The following PUS3 variants were observed in gnomAD, a reference collection of about 807,000 sequenced individuals.
PUS3 encodes the protein pseudouridine synthase 3.
Under a neutral mutation model 43.3 loss-of-function variants are expected in PUS3, and 36 were observed. The ratio of observed to expected loss-of-function variants is 0.83; its 90% CI spans 0.64 to 1.10. PUS3 has a LOEUF of 1.10. PUS3 is among the 50% of genes least tolerant of loss of function. The pLI is 0.00. For missense variants in PUS3, 544 were observed against 589.9 expected, an observed-to-expected ratio of 0.92 and a Z score of 0.81; for synonymous variants, 183 against 199.2, an observed-to-expected ratio of 0.92 and a Z score of 0.69.
intron 1 of PUS3, among the ~76,000 whole-genome samples, chr11:125,902,081 T>C (rs513869): frequency 0.61 from 92,617 of 151,744 alleles, 28,391 homozygotes; most frequent in South Asian, 0.71. Flanking sequence ...GGCCAGGGAG[T>C]GAGTCTAGTT....
At position 125,899,678 on chromosome 11, in the gene PUS3, G is replaced by C. The variant is rs1348414810; in HGVS notation, c.-46-3348C>G. 1.2e-6 allele frequency: 2 copies of C among 1,614,120 alleles called. No individual in the cohort carries two copies. The highest frequency in any genetic ancestry group is 1.3e-5 in the African/African-American group (1 of 74,948). On this transcript the variant is annotated intron_variant, in intron 1 of 3. Transcript: ENST00000227474. ...GAGAAAGGTGCTGCGCAGAAAGCCAGATGGGGAAGTATTAGTAACAGATGA... is the reference window on the plus strand; with the variant it reads ...GAGAAAGGTGCTGCGCAGAAAGCCACATGGGGAAGTATTAGTAACAGATGA...
chr11:125,893,913 G>A lies in PUS3; in HGVS notation c.1318C>T (p.His440Tyr), dbSNP rs1211444393. ...FVRRGRIEHP[H>Y]LFHEEETKAK... ...TTTGTTTCTTCCTCATGGAATAAATGTGGGTGCTCAATTCGTCCCCTACGT... is the reference window on the plus strand; with the variant it reads ...TTTGTTTCTTCCTCATGGAATAAATATGGGTGCTCAATTCGTCCCCTACGT... The change falls in exon 4 of 4, where the codon CAT (histidine) becomes TAT (tyrosine). Residue 440 changes from histidine (H) to tyrosine (Y), a missense_variant. His to Tyr is a moderately conservative substitution (Grantham distance 83). Transcript: ENST00000227474. 1.2e-6 allele frequency: 2 copies of A among 1,613,974 alleles called. No homozygotes were observed. Among genetic ancestry groups the A allele is most frequent in the Non-Finnish European group, 1.7e-6 (2 of 1,180,008 alleles).
In PUS3 at chr11:125,896,113, T is replaced by C; in HGVS notation, c.172A>G (p.Ser58Gly). 6.2e-7 allele frequency: 1 copy of C among 1,614,238 alleles called. No individual in the cohort carries two copies. Among genetic ancestry groups the C allele is most frequent in the Non-Finnish European group, 8.5e-7 (1 of 1,180,046 alleles). The change falls in exon 2 of 4, where the codon AGT becomes GGT. Residue 58 changes from serine to glycine, a missense_variant. Transcript: ENST00000227474. ...GCTACGTGTCTTCGGCCATGAGCAC[T>C]GAAATCAAATGCACGCTTAGTTTTT... ...AGKTKRAFDFSAHGRRHVALR... is the reference protein window; with the variant it reads ...AGKTKRAFDFGAHGRRHVALR...
At chr11:125,902,838 A>C (rs1373027603) in intron 1 of PUS3, among the ~76,000 whole-genome samples, 1 of 151,940 alleles carries the variant, frequency 6.6e-6, no homozygotes, top group Non-Finnish European at 1.5e-5. Flanking sequence ...CTCAACTTCT[A>C]CTGTTTTATG....
intron 1 of PUS3, 56 bp from the exon 2 acceptor site, chr11:125,896,386 T>C: frequency 8.7e-7 from 1 of 1,145,054 alleles, no homozygotes; most frequent in Non-Finnish European, 1.2e-6. Flanking sequence ...TTGATGATGT[T>C]CTAATGGTAT....
chr11:125,895,672 G>T lies in PUS3; in HGVS notation c.496C>A (p.Arg166=), dbSNP rs1363450998. Residue 166 remains arginine, a synonymous_variant, in exon 3 of 4, where the codon CGG becomes AGG. Coordinates refer to ENST00000227474, the MANE Select transcript of PUS3 (RefSeq NM_031307.4). The stretch of plus-strand genomic sequence containing the variant: ...ATACGGATGTCTGGAGGGAGTACCC[G>T]ATTGAGAATGTGGGTATAACGGATC... ...EEIRYTHILN[R]VLPPDIRILA... The T allele has an allele frequency of 1.2e-6, 2 of 1,614,090 alleles. No homozygotes were observed. Among genetic ancestry groups the T allele is most frequent in the Non-Finnish European group, 8.5e-7 (1 of 1,179,944 alleles).
At chr11:125,894,315 G>C in intron 3 of PUS3, 29 bp from the exon 4 acceptor site, 12 of 1,549,510 alleles carry the variant, frequency 7.7e-6, no homozygotes, top group Non-Finnish European at 1.1e-5. Flanking sequence ...GAAAGTTTGA[G>C]AATACATAAC....
chr11:125,893,875 G>C lies in PUS3; in HGVS notation c.1356C>G (p.Asp452Glu). The change falls in exon 4 of 4, where the codon GAC (aspartate) becomes GAG (glutamate). Residue 452 changes from aspartate to glutamate, a missense_variant. By Grantham distance (45) the Asp-to-Glu change is conservative (BLOSUM62 2). Transcript: ENST00000227474. ...FHEEETKAKR[D>E]CNDTLEEENT... ...TCTCTTCCTCTAGTGTGTCATTACA[G>C]TCCCTTTTGGCTTTTGTTTCTTCCT... 6.2e-7 allele frequency: 1 copy of C among 1,614,074 alleles called. No individual in the cohort carries two copies.
chr11:125,900,614 T>TACACTTACCAATTAAAGAATTTTGGAA, intron 1 of PUS3: 1 of 289,198 alleles, frequency 3.5e-6, no homozygotes, highest in Non-Finnish European at 7.0e-6. Flanking sequence ...TGCTGGGCAT[T>TACACTTACCAATTAAAGAATTTTGGAA]ACACTTACCA....
At chr11:125,898,738 G>A (rs780946953) in intron 1 of PUS3, among the ~76,000 whole-genome samples, 3 of 151,462 alleles carry the variant, frequency 2.0e-5, no homozygotes, top group Admixed American at 1.3e-4. Context: ...TTATATGTGT[G>A]TGAGAGAACA....
intron 1 of PUS3, chr11:125,899,887 A>G: frequency 6.2e-7 from 1 of 1,614,234 alleles, no homozygotes; most frequent in Non-Finnish European, 8.5e-7. Flanking sequence ...GCTCTCTACA[A>G]AGAGAAGGAA....
chr11:125,902,170 G>A (rs965399332), intron 1 of PUS3, among the ~76,000 whole-genome samples: 2 of 152,136 alleles, frequency 1.3e-5, no homozygotes, highest in East Asian at 1.9e-4. Context: ...CCCTAATTCA[G>A]GGTGAAGTGC....
intron 1 of PUS3, among the ~76,000 whole-genome samples, chr11:125,897,558 T>C (rs474036): frequency 9.4e-5 from 14 of 149,314 alleles, no homozygotes; most frequent in Non-Finnish European, 3.0e-5. Context: ...GAGAGTCAAA[T>C]GGGCAAAGAC....
chr11:125,894,332 C>T, intron 3 of PUS3, 46 bp from the exon 4 acceptor site: 1 of 1,482,002 alleles, frequency 6.7e-7, no homozygotes, highest in Non-Finnish European at 9.1e-7. Flanking sequence ...TAACATCCAT[C>T]TAACAGTTCT....
rs772477409 is a variant in PUS3 at position 125,900,181 on chromosome 11, A to G, written c.-47+2989T>C. 1 of 1,614,210 alleles carries G rather than the reference A, an allele frequency of 6.2e-7. No individual in the cohort carries two copies. The highest frequency in any genetic ancestry group is 1.1e-5 in the South Asian group (1 of 91,082). The stretch of plus-strand genomic sequence containing the variant: ...ATTATCTAGTACCAACAGAGAAGAA[A>G]AGGTCTGCACTCCGTTGGGGTGTTC... On this transcript the variant is annotated intron_variant, in intron 1 of 3. Transcript: ENST00000227474.
chr11:125,901,888 G>A (rs1231380450), intron 1 of PUS3, among the ~76,000 whole-genome samples: 1 of 152,166 alleles, frequency 6.6e-6, no homozygotes. Context: ...TACACACAGG[G>A]AAAGATCAAA....
At position 125,896,317 on chromosome 11, in the gene PUS3, CAG is replaced by C; in HGVS notation, c.-35_-34del. ...CAACCCCAGGAATAAACGAACCATACAGGTCTGCCCTGTCTGAAAAGAGAGCA... is the reference window on the plus strand; with the variant it reads ...CAACCCCAGGAATAAACGAACCATACGTCTGCCCTGTCTGAAAAGAGAGCA... On this transcript the variant is annotated 5_prime_UTR_variant, in exon 2 of 4. Coordinates refer to ENST00000227474, the MANE Select transcript of PUS3 (RefSeq NM_031307.4). The C allele has an allele frequency of 1.3e-6, 2 of 1,542,914 alleles. No individual in the cohort carries two copies. The highest frequency in any genetic ancestry group is 1.8e-6 in the Non-Finnish European group (2 of 1,130,368).
intron 1 of PUS3, chr11:125,900,558 T>A: frequency 2.5e-6 from 1 of 407,308 alleles, no homozygotes; most frequent in South Asian, 2.4e-5. Context: ...TAACTTTTTT[T>A]ACCTATCAAT....
At chr11:125,899,879 T>C in intron 1 of PUS3, 2 of 1,614,206 alleles carry the variant, frequency 1.2e-6, no homozygotes, top group African/African-American at 1.3e-5. Flanking sequence ...GCTCATTTGC[T>C]CTCTACAAAG....
Sources: gnomAD v4.1 joint callset for allele counts (sites outside exome capture counted in the v4.1 genomes callset) on GRCh38, gnomAD v4.1.1 for gene constraint, MANE v1.5 for transcripts, NCBI Gene and HGNC (gene_info 2026-07-23, HGNC 2026-07-21) for gene names.